The following CCND3 variants were observed in gnomAD, a reference collection of about 807,000 sequenced individuals.
CCND3 encodes G1/S-specific cyclin-D3.
CCND3 carries 9 observed loss-of-function variants against 28.7 expected under a neutral mutation model. The observed-to-expected ratio is 0.31, with a 90% CI of 0.19 to 0.55. CCND3 has a LOEUF of 0.55. Ranked by LOEUF, CCND3 falls within the 20% of genes least tolerant of loss-of-function variation. The pLI is 0.93. For synonymous variants in CCND3, 164 were observed against 163.9 expected, an observed-to-expected ratio of 1.00 and a Z score of 0.00; for missense variants, 315 against 385.8, an observed-to-expected ratio of 0.82 and a Z score of 1.54.
At chr6:42,007,891 G>A (rs975003312) in intron 1 of CCND3, among the ~76,000 whole-genome samples, 8 of 152,100 alleles carry the variant, frequency 5.3e-5, no homozygotes, top group African/African-American at 1.7e-4. Context: ...GAGACAGCAG[G>A]TGAAGGCCAC....
At chr6:41,967,104 A>AAAAAC (rs1320012997) in intron 1 of CCND3, among the ~76,000 whole-genome samples, 8 of 152,180 alleles carry the variant, frequency 5.3e-5, no homozygotes, top group East Asian at 1.9e-4. Flanking sequence ...CCTCTAGGAA[A>AAAAAC]AAAACAAAAC....
intron 1 of CCND3, among the ~76,000 whole-genome samples, chr6:42,042,237 G>A (rs1156847314): frequency 3.3e-5 from 5 of 152,136 alleles, no homozygotes; most frequent in East Asian, 1.9e-4. Flanking sequence ...TCTGGGAGAC[G>A]ATGATGCCCA....
upstream of CCND3, among the ~76,000 whole-genome samples, chr6:41,944,179 A>T (rs1489238318): frequency 2.0e-5 from 3 of 152,102 alleles, no homozygotes; most frequent in Non-Finnish European, 4.4e-5. Flanking sequence ...AAAAAATAAA[A>T]AAAAAAAATA....
In CCND3 at chr6:41,990,660, A is replaced by ATTTTTTTTTTTTTTTTTT. The variant is rs67939325; in HGVS notation, c.-45-50093_-45-50076dup. Among the ~76,000 whole-genome samples, 6 of 121,276 alleles carry ATTTTTTTTTTTTTTTTTT rather than the reference A, an allele frequency of 4.9e-5. 3 individuals carry two copies. The highest frequency in any genetic ancestry group is 3.3e-5 in the Non-Finnish European group (2 of 60,716). 79.6% of individuals were successfully genotyped at this position (121,276 alleles called of 152,430 possible). On this transcript the variant is annotated intron_variant, in intron 1 of 4. Transcript: ENST00000372988. Reference sequence around the variant, plus strand: ...TAGTCCATGAATCTATAACCAACTGATTTTTTTTTTTTTTTTTTTTTTTTT... The same window carrying ATTTTTTTTTTTTTTTTTT: ...TAGTCCATGAATCTATAACCAACTGATTTTTTTTTTTTTTTTTTTTTTTTTTTTTTTTTTTTTTTTTTT...
At position 41,947,176 on chromosome 6, in the gene CCND3, G is replaced by A. The variant is rs13214638; in HGVS notation, c.-45-6591C>T. On this transcript the variant is annotated intron_variant, in intron 1 of 4. Coordinates refer to the CCND3 transcript ENST00000372988. ...GTAGAGGTTGCAGTGAGCTGAGATC[G>A]CGCCACTGCACTCCAGCCTGGGCAA... Among the ~76,000 whole-genome samples, 426 of 151,512 alleles carry A rather than the reference G, an allele frequency of 2.8e-3. 3 individuals are homozygous for A. The highest frequency in any genetic ancestry group is 0.014 in the Middle Eastern group (4 of 294).
At chr6:41,985,014 T>C (rs1006276868) in intron 1 of CCND3, among the ~76,000 whole-genome samples, 1 of 152,224 alleles carries the variant, frequency 6.6e-6, no homozygotes, top group African/African-American at 2.4e-5. Flanking sequence ...TTTCTTGCTA[T>C]TGAGTTACAT....
At chr6:41,969,408 C>G (rs1200432245) in intron 1 of CCND3, among the ~76,000 whole-genome samples, 1 of 151,526 alleles carries the variant, frequency 6.6e-6, no homozygotes, top group African/African-American at 2.4e-5. Context: ...CCCAGCTACT[C>G]GGGAGGCTGA....
chr6:41,936,408 C>T lies in CCND3; in HGVS notation c.711+151G>A, dbSNP rs1775796287. 1.1e-6 allele frequency: 1 copy of T among 928,044 alleles called. No homozygotes were observed. Among genetic ancestry groups the T allele is most frequent in the Non-Finnish European group, 1.6e-6 (1 of 612,866 alleles). 57.5% of individuals were successfully genotyped at this position (928,044 alleles called of 1,614,324 possible). On this transcript the variant is annotated intron_variant, in intron 4 of 4. Transcript: ENST00000372991. This position sits in a 1 kb window ranked among gnomAD's most constrained non-coding sequence, Gnocchi z 4.4. Reference sequence around the variant, plus strand: ...CCAAGATACTTGCTCTTCCCCAGACCAAGGCAGGAGATAAAAAGCCACAAA... The same window carrying T: ...CCAAGATACTTGCTCTTCCCCAGACTAAGGCAGGAGATAAAAAGCCACAAA...
At chr6:42,013,537 T>C (rs1763400854) in intron 1 of CCND3, among the ~76,000 whole-genome samples, 1 of 152,202 alleles carries the variant, frequency 6.6e-6, no homozygotes, top group Admixed American at 6.5e-5. Context: ...AAATAACTGT[T>C]AAGCCACATC....
upstream of CCND3, among the ~76,000 whole-genome samples, chr6:41,941,999 G>A (rs1024493782): frequency 6.6e-6 from 1 of 151,678 alleles, no homozygotes; most frequent in African/African-American, 2.4e-5. This position sits in a 1 kb window ranked among gnomAD's most constrained non-coding sequence, Gnocchi z 6.1. Flanking sequence ...CTGGACCACC[G>A]GGTGCAGAGA....
chr6:42,011,894 A>T (rs1288038986), intron 1 of CCND3, among the ~76,000 whole-genome samples: 1 of 152,168 alleles, frequency 6.6e-6, no homozygotes, highest in African/African-American at 2.4e-5. Context: ...GGAAAATGTC[A>T]CAGGATCATC....
In CCND3 at chr6:41,939,903, C is replaced by G. The variant is rs1775934347; in HGVS notation, c.414+467G>C. Among the ~76,000 whole-genome samples, 1 of 152,170 alleles carries G rather than the reference C, an allele frequency of 6.6e-6. No individual in the cohort carries two copies. The highest frequency in any genetic ancestry group is 2.1e-4 in the South Asian group (1 of 4,834). On this transcript the variant is annotated intron_variant, in intron 2 of 4. Coordinates refer to ENST00000372991, the MANE Select transcript of CCND3 (RefSeq NM_001760.5). The surrounding 1 kb of genome is among the most constrained non-coding windows in gnomAD (Gnocchi z 4.2). Reference sequence around the variant, plus strand: ...CTTTAATTGGCTCTGGGAGGCTTTTCTATCACAAAGTCCACATGAGGATAA... The same window carrying G: ...CTTTAATTGGCTCTGGGAGGCTTTTGTATCACAAAGTCCACATGAGGATAA...
chr6:42,039,220 G>T (rs73733074), intron 1 of CCND3, among the ~76,000 whole-genome samples: 5,179 of 152,276 alleles, frequency 0.034, 306 homozygotes, highest in African/African-American at 0.11. Flanking sequence ...CTTTAAAATA[G>T]AGACTTTAAT....
chr6:41,959,535 T>G (rs1380979750), intron 1 of CCND3, among the ~76,000 whole-genome samples: 1 of 151,228 alleles, frequency 6.6e-6, no homozygotes, highest in Non-Finnish European at 1.5e-5. Context: ...ATACAAAAAA[T>G]TAGCTGGGCG....
intron 1 of CCND3, among the ~76,000 whole-genome samples, chr6:41,948,094 G>A (rs1315017522): frequency 3.3e-5 from 5 of 152,040 alleles, no homozygotes; most frequent in Admixed American, 3.3e-4. Flanking sequence ...CCTTCAGGAA[G>A]TCCAAAAGTT....
intron 1 of CCND3, among the ~76,000 whole-genome samples, chr6:41,962,962 A>T (rs1194311032): frequency 6.6e-6 from 1 of 152,162 alleles, no homozygotes; most frequent in Admixed American, 6.6e-5. Context: ...CATGTTGGCC[A>T]GGATGGTCTC....
chr6:41,946,057 G>T (rs1174089038), upstream of CCND3, among the ~76,000 whole-genome samples: 1 of 152,210 alleles, frequency 6.6e-6, no homozygotes, highest in East Asian at 1.9e-4. Flanking sequence ...CTAGCGTATG[G>T]AGAGGACCCT....
chr6:42,005,655 T>G (rs1763155137), intron 1 of CCND3, among the ~76,000 whole-genome samples: 1 of 151,888 alleles, frequency 6.6e-6, no homozygotes, highest in African/African-American at 2.4e-5. Context: ...AGCTAGGAAT[T>G]TTGATAACCC....
chr6:41,948,172 A>G (rs1430499458), intron 1 of CCND3, among the ~76,000 whole-genome samples: 1 of 151,608 alleles, frequency 6.6e-6, no homozygotes, highest in African/African-American at 2.4e-5. Context: ...CAGCCCTGAC[A>G]CTTCTTATGC....
Sources: gnomAD v4.1 joint callset for allele counts (sites outside exome capture counted in the v4.1 genomes callset) on GRCh38, gnomAD v4.1.1 for gene constraint, Gnocchi (gnomAD v3.1) non-coding constraint, MANE v1.5 for transcripts, NCBI Gene and HGNC (gene_info 2026-07-23, HGNC 2026-07-21) for gene names.